Variants in POLR3H observed in about 807,000 individuals in gnomAD.
POLR3H encodes the protein DNA-directed RNA polymerase III subunit RPC8.
A neutral mutation model predicts 25.5 loss-of-function variants in POLR3H; 17 were observed. The ratio of observed to expected loss-of-function variants is 0.67; its 90% CI spans 0.46 to 1.00. POLR3H has a LOEUF of 1.00. POLR3H is among the 50% of genes least tolerant of loss of function. POLR3H has a pLI of 0.00. For missense variants in POLR3H, 274 were observed against 265.0 expected (o/e 1.03, Z -0.24); for synonymous variants, 129 against 103.0 (o/e 1.25, Z -1.53).
At position 41,527,198 on chromosome 22, in the gene POLR3H, G is replaced by A. The variant is rs529991686; in HGVS notation, c.*2085C>T. Reference sequence around the variant, plus strand: ...ACCGGGAGCCTCAGGATGCCCAGGCGCCAGGTGGGTGAGGCCAGGCAGGTA... The same window carrying A: ...ACCGGGAGCCTCAGGATGCCCAGGCACCAGGTGGGTGAGGCCAGGCAGGTA... On this transcript the variant is annotated 3_prime_UTR_variant, in exon 6 of 6. Coordinates refer to ENST00000355209, the MANE Select transcript of POLR3H (RefSeq NM_001018050.4). 2.3e-5 allele frequency: 36 copies of A among 1,594,502 alleles called. No homozygotes were observed. Among genetic ancestry groups the A allele is most frequent in the East Asian group, 1.8e-4 (8 of 44,550 alleles).
intron 3 of POLR3H, among the ~76,000 whole-genome samples, 167 bp from the exon 4 acceptor site, chr22:41,532,324 C>T (rs1422390357): frequency 6.6e-6 from 1 of 151,448 alleles, no homozygotes; most frequent in Non-Finnish European, 1.5e-5. Context: ...GCGTACACCA[C>T]CCACATAGCG....
chr22:41,544,076 T>C lies in POLR3H; in HGVS notation c.26A>G (p.Asp9Gly). MFVLVEMV[D>G]TVRIPPWQFE... is the part of the protein sequence containing the mutation. ...CTGCCAAGGGGGGATCCGGACGGTG[T>C]CCACCATTTCCACCAGGACGAACAT... The change falls in exon 1 of 6, where the codon GAC becomes GGC. Residue 9 changes from aspartate to glycine, a missense_variant. Transcript: ENST00000355209. The C allele has an allele frequency of 1.2e-6, 2 of 1,611,648 alleles. No individual in the cohort carries two copies. The highest frequency in any genetic ancestry group is 2.2e-5 in the South Asian group (2 of 91,004).
intron 2 of POLR3H, among the ~76,000 whole-genome samples, chr22:41,534,205 C>T (rs778510544): frequency 1.3e-5 from 2 of 152,044 alleles, no homozygotes; most frequent in Non-Finnish European, 2.9e-5. Flanking sequence ...ACTGGGCTCA[C>T]GGGGGTGGGA....
intron 4 of POLR3H, 68 bp downstream of exon 4, chr22:41,532,026 G>A (rs2066745440): frequency 7.0e-7 from 1 of 1,431,586 alleles, no homozygotes; most frequent in Non-Finnish European, 9.9e-7. Flanking sequence ...CCACCCTAAG[G>A]AGTGGGGACC....
chr22:41,530,438 C>T (rs1412957982), intron 5 of POLR3H, among the ~76,000 whole-genome samples: 4 of 152,252 alleles, frequency 2.6e-5, no homozygotes. Context: ...GTCTTGTCCA[C>T]CGTGAGCTCT....
intron 2 of POLR3H, among the ~76,000 whole-genome samples, chr22:41,536,926 C>A (rs1038374135): frequency 2.6e-4 from 39 of 148,724 alleles, no homozygotes; most frequent in African/African-American, 9.4e-4. Context: ...TCTGCACCAA[C>A]TCTAGCTGAG....
rs191077678 is a variant in POLR3H, at chr22:41,541,513, G to C, written c.112-718C>G. Among the ~76,000 whole-genome samples the C allele has an allele frequency of 2.6e-3, 399 of 152,292 alleles. 3 individuals are homozygous for C. The highest frequency in any genetic ancestry group is 9.0e-3 in the African/African-American group (375 of 41,570). On this transcript the variant is annotated intron_variant, in intron 1 of 5. Transcript: ENST00000355209. ...GTCATCACCCCCACTTAGAACCCTT[G>C]CAAGAACTGTCCAAGAATTAGCAAG...
At position 41,530,046 on chromosome 22, in the gene POLR3H, T is replaced by C. The variant is rs139578425; in HGVS notation, c.561+641A>G. Among the ~76,000 whole-genome samples, 1,434 of 150,646 alleles carry C rather than the reference T, an allele frequency of 9.5e-3. 31 individuals are homozygous for C. The highest frequency in any genetic ancestry group is 0.046 in the East Asian group (229 of 5,004). On this transcript the variant is annotated intron_variant, in intron 5 of 5. Transcript: ENST00000355209. ...CTGGGATTACAGGCGTGAGCCACTG[T>C]GCCCCAGCAGCCCTACCCTTAATCT...
chr22:41,529,901 G>A (rs1053683984), intron 5 of POLR3H, among the ~76,000 whole-genome samples: 10 of 150,362 alleles, frequency 6.7e-5, no homozygotes, highest in South Asian at 2.1e-4. Context: ...GACTACAGGC[G>A]CCCGCCACCA....
At chr22:41,537,648 CA>C (rs1207444552) in intron 2 of POLR3H, among the ~76,000 whole-genome samples, 1 of 152,174 alleles carries the variant, frequency 6.6e-6, no homozygotes, top group Non-Finnish European at 1.5e-5. Context: ...CCAAGGTCCC[CA>C]TCCAGGAGAC....
chr22:41,529,416 C>A, intron 5 of POLR3H, 80 bp from the exon 6 acceptor site: 3 of 1,289,978 alleles, frequency 2.3e-6, no homozygotes, highest in Non-Finnish European at 3.3e-6. Context: ...GGGAGCCCAG[C>A]AGGCCCAGCA....
intron 2 of POLR3H, chr22:41,533,675 T>C (rs1167950379): frequency 6.1e-6 from 8 of 1,304,080 alleles, no homozygotes; most frequent in Admixed American, 2.3e-5. Flanking sequence ...AGGCAGCCGA[T>C]GGACCTCTCA....
In POLR3H at chr22:41,532,711, T is replaced by C. The variant is rs757273720; in HGVS notation, c.243A>G (p.Leu81=). ...TGATCTTCCCAATGAGAATCTCATCTAGGAATGGATGAAACACCACGCAGC... is the reference window on the plus strand; with the variant it reads ...TGATCTTCCCAATGAGAATCTCATCCAGGAATGGATGAAACACCACGCAGC... ...HFRCVVFHPF[L]DEILIGKIKG... Residue 81 remains leucine, a synonymous_variant, in exon 3 of 6, where the codon CTA becomes CTG. Transcript: ENST00000355209. The C allele has an allele frequency of 6.2e-7, 1 of 1,614,072 alleles. No homozygotes were observed. Among genetic ancestry groups the C allele is most frequent in the South Asian group, 1.1e-5 (1 of 91,082 alleles).
chr22:41,537,864 C>T (rs1484890871), intron 2 of POLR3H, among the ~76,000 whole-genome samples: 2 of 151,834 alleles, frequency 1.3e-5, no homozygotes, highest in Non-Finnish European at 2.9e-5. Context: ...TGGAGTGCAG[C>T]GGCGTGTTCT....
rs149528960 is a variant in POLR3H at position 41,528,479 on chromosome 22, C to T, written c.*804G>A. 4 of 1,611,986 alleles carry T rather than the reference C, an allele frequency of 2.5e-6. No individual in the cohort carries two copies. Among genetic ancestry groups the T allele is most frequent in the African/African-American group, 1.3e-5 (1 of 74,976 alleles). ...ACCCACACCCACCTTCTCCTTGCAG[C>T]CCCTGAAGTGCATCATCAAGCACCC... On this transcript the variant is annotated 3_prime_UTR_variant, in exon 6 of 6. Coordinates refer to ENST00000355209, the MANE Select transcript of POLR3H (RefSeq NM_001018050.4).
At position 41,527,784 on chromosome 22, in the gene POLR3H, G is replaced by A. The variant is rs923213790; in HGVS notation, c.*1499C>T. 24 of 1,532,696 alleles carry A rather than the reference G, an allele frequency of 1.6e-5. No individual in the cohort carries two copies. The highest frequency in any genetic ancestry group is 5.5e-5 in the African/African-American group (4 of 72,914). The allele number at this position is 1,532,696 out of a possible 1,614,324, so 94.9% of individuals were successfully genotyped here. A position where few individuals can be genotyped will look rare whatever the true frequency, so the allele number is the denominator to read the frequency against. On this transcript the variant is annotated 3_prime_UTR_variant, in exon 6 of 6. Coordinates refer to ENST00000355209, the MANE Select transcript of POLR3H (RefSeq NM_001018050.4). ...GACCAGGGCCCCATAGTCACTGCCC[G>A]GGCATTGTCCCAGGCAGCAGGATTA...
At position 41,532,756 on chromosome 22, in the gene POLR3H, A is replaced by G; in HGVS notation, c.209-11T>C. On this transcript the variant is annotated splice_polypyrimidine_tract_variant and intron_variant, in intron 2 of 5. Transcript: ENST00000355209. ...CGCAGCGAAAATGGACTGGAAATGA[A>G]GACAGCCCATCAGTGATGCTGACCG... 1 of 1,613,208 alleles carries G rather than the reference A, an allele frequency of 6.2e-7. No homozygotes were observed. The highest frequency in any genetic ancestry group is 1.1e-5 in the South Asian group (1 of 90,984).
rs567564491 is a variant in POLR3H, at chr22:41,543,814, C to G, written c.111+177G>C. ...CACTTCCAGTTACAACTCCCTTTTTCAAGCCCATTTTCTTTTGATCCCCTT... is the reference window on the plus strand; with the variant it reads ...CACTTCCAGTTACAACTCCCTTTTTGAAGCCCATTTTCTTTTGATCCCCTT... On this transcript the variant is annotated intron_variant, in intron 1 of 5. Coordinates refer to ENST00000355209, the MANE Select transcript of POLR3H (RefSeq NM_001018050.4). 9 of 707,494 alleles carry G rather than the reference C, an allele frequency of 1.3e-5. No homozygotes were observed. In the African/African-American group the frequency reaches 1.6e-4, roughly 12 times the overall value. The allele number at this position is 707,494 out of a possible 1,614,324, so 43.8% of individuals were successfully genotyped here.
intron 4 of POLR3H, among the ~76,000 whole-genome samples, chr22:41,531,781 G>A (rs562835397): frequency 6.6e-6 from 1 of 152,354 alleles, no homozygotes; most frequent in East Asian, 1.9e-4. Context: ...TTCCTGCAGG[G>A]ACAACCTAAG....
Sources: gnomAD v4.1 joint callset for allele counts (sites outside exome capture counted in the v4.1 genomes callset) on GRCh38, gnomAD v4.1.1 for gene constraint, MANE v1.5 for transcripts, NCBI Gene and HGNC (gene_info 2026-07-23, HGNC 2026-07-21) for gene names.